DEAF1: variants seen among roughly 807,000 people sequenced by gnomAD.
DEAF1 encodes deformed epidermal autoregulatory factor 1 homolog.
DEAF1 carries 53 observed loss-of-function variants against 58.9 expected under a neutral mutation model. The observed-to-expected ratio is 0.90, with a 90% confidence interval of 0.72 to 1.13. DEAF1 has a LOEUF of 1.13. Among genes scored for constraint, DEAF1 ranks in the 50% most tolerant of loss-of-function variants. The probability of loss-of-function intolerance (pLI) is 0.00; values close to 1 mark genes in which losing one functional copy is unlikely to be tolerated. For missense variants in DEAF1, 685 were observed against 791.4 expected (o/e 0.87, Z 1.61); for synonymous variants, 385 against 340.4 (o/e 1.13, Z -1.44).
upstream of DEAF1, chr11:698,872 G>A (rs375077087): frequency 2.5e-6 from 4 of 1,614,060 alleles, no homozygotes; most frequent in African/African-American, 4.0e-5. Flanking sequence ...CTTTCAGGGA[G>A]AGGATCCTCC....
intron 4 of DEAF1, among the ~76,000 whole-genome samples, chr11:687,223 G>A (rs955653489): frequency 6.6e-6 from 1 of 152,218 alleles, no homozygotes; most frequent in Non-Finnish European, 1.5e-5. Flanking sequence ...TCCACAGGCA[G>A]TGCAAGCTCA....
At chr11:674,284 GCA>G (rs1859960303) in intron 10 of DEAF1, 1 of 520,622 alleles carries the variant, frequency 1.9e-6, no homozygotes. Flanking sequence ...CGGCCGATGC[GCA>G]CAAAATTGTT....
intron 9 of DEAF1, among the ~76,000 whole-genome samples, chr11:678,107 G>C (rs1379175027): frequency 6.6e-6 from 1 of 152,098 alleles, no homozygotes; most frequent in Non-Finnish European, 1.5e-5. Flanking sequence ...CAGCTACCTG[G>C]GAGGCTGAGG....
rs756731135 is a variant in DEAF1 at position 688,351 on chromosome 11, G to A, written c.497C>T (p.Pro166Leu). Residue 166 changes from proline to leucine, a missense_variant, in exon 3 of 12, where the codon CCG (proline) becomes CTG (leucine). Physicochemically the swap from Pro to Leu is moderately conservative, Grantham distance 98. This residue lies in a region of DEAF1 where 132 missense variants were observed against 234.3 expected (regional missense o/e 0.56). Transcript: ENST00000382409. This position sits in a 1 kb window ranked among gnomAD's most constrained non-coding sequence, Gnocchi z 4.3. ...SIVETTGLKGPAAPLTPGPQS... is the reference protein window; with the variant it reads ...SIVETTGLKGLAAPLTPGPQS... ...TGTACCTGGGGTGAGGGGAGCTGCC[G>A]GGCCTTTCAGCCCGGTGGTCTCCAC... 8.7e-6 allele frequency: 14 copies of A among 1,613,704 alleles called. No homozygotes were observed. Among genetic ancestry groups the A allele is most frequent in the Admixed American group, 1.7e-5 (1 of 60,022 alleles).
chr11:686,075 G>A (rs2133398866), intron 5 of DEAF1, among the ~76,000 whole-genome samples: 1 of 150,988 alleles, frequency 6.6e-6, no homozygotes, highest in East Asian at 2.0e-4. Context: ...CTGAGGTCAG[G>A]ACTTCAAGAC....
At chr11:686,291 CAAAA>C (rs780059988) in intron 5 of DEAF1, among the ~76,000 whole-genome samples, 3 of 100,210 alleles carry the variant, frequency 3.0e-5, no homozygotes, top group African/African-American at 8.9e-5. Context: ...GACTCTGTCT[CAAAA>C]AAAAAAAAAA....
chr11:663,649 C>T (rs903603998), intron 10 of DEAF1, among the ~76,000 whole-genome samples: 1 of 151,232 alleles, frequency 6.6e-6, no homozygotes, highest in African/African-American at 2.4e-5. Flanking sequence ...ACTGATAAAT[C>T]AGGCTTTTGG....
At chr11:648,196 CT>C (rs540249896) in intron 11 of DEAF1, among the ~76,000 whole-genome samples, 92 of 123,362 alleles carry the variant, frequency 7.5e-4, no homozygotes, top group East Asian at 1.2e-3. Flanking sequence ...TTATCACTGC[CT>C]TTTTTTTTTT....
chr11:668,748 G>A (rs946139162), intron 10 of DEAF1, among the ~76,000 whole-genome samples: 1 of 152,188 alleles, frequency 6.6e-6, no homozygotes, highest in Admixed American at 6.6e-5. Context: ...CTTGAGCCTG[G>A]GAACTTGAGG....
intron 10 of DEAF1, among the ~76,000 whole-genome samples, chr11:672,303 G>A (rs956231481): frequency 3.3e-5 from 5 of 151,774 alleles, no homozygotes; most frequent in Admixed American, 3.3e-4. Context: ...CCCTAACATC[G>A]AATACGACCT....
chr11:665,680 A>G (rs1859494000), intron 10 of DEAF1, among the ~76,000 whole-genome samples: 1 of 152,170 alleles, frequency 6.6e-6, no homozygotes, highest in Admixed American at 6.6e-5. Context: ...AGCATCAGAC[A>G]CTCTGGCTGC....
chr11:702,250 T>TA (rs1281783707), intron 1 of DEAF1, among the ~76,000 whole-genome samples: 3 of 152,190 alleles, frequency 2.0e-5, no homozygotes, highest in Non-Finnish European at 2.9e-5. Flanking sequence ...TGTCTGCACT[T>TA]ACGTCCCAGA....
chr11:703,343 T>A (rs956770942), intron 1 of DEAF1: 1 of 1,399,044 alleles, frequency 7.1e-7, no homozygotes, highest in Non-Finnish European at 9.3e-7. Context: ...CTGGAGGCCC[T>A]GGTGTTGGGA....
At chr11:697,738 G>C (rs1359049582), upstream of DEAF1, 1 of 152,240 alleles carries the variant, frequency 6.6e-6, no homozygotes, top group African/African-American at 2.4e-5. Flanking sequence ...AGAACAGATC[G>C]GGTTTAAAGA....
intron 11 of DEAF1, among the ~76,000 whole-genome samples, chr11:650,919 C>T (rs1464940628): frequency 6.6e-6 from 1 of 152,080 alleles, no homozygotes; most frequent in East Asian, 1.9e-4. Flanking sequence ...AAGATGCAAA[C>T]ATTCACCATA....
chr11:647,417 T>A (rs866794674), intron 11 of DEAF1, among the ~76,000 whole-genome samples: 44 of 152,162 alleles, frequency 2.9e-4, no homozygotes, highest in African/African-American at 9.9e-4. Context: ...ATCGCGCCGC[T>A]GCACTCCAGC....
chr11:659,882 C>T (rs918459643), intron 10 of DEAF1, among the ~76,000 whole-genome samples: 2 of 152,164 alleles, frequency 1.3e-5, no homozygotes, highest in Non-Finnish European at 2.9e-5. Context: ...ACCCTGAAGC[C>T]GTGAACCGGA....
intron 11 of DEAF1, among the ~76,000 whole-genome samples, chr11:646,167 C>G (rs2133266238): frequency 6.7e-6 from 1 of 148,764 alleles, no homozygotes; most frequent in Middle Eastern, 3.4e-3. Flanking sequence ...GCACAAGAAT[C>G]ACTTGAACCT....
intron 1 of DEAF1, among the ~76,000 whole-genome samples, chr11:701,613 G>GCA (rs1564963003): frequency 5.5e-4 from 83 of 152,020 alleles, no homozygotes; most frequent in African/African-American, 2.0e-3. Context: ...GTTTCACCAT[G>GCA]TTAGCCAGGA....
Sources: gnomAD v4.1 joint callset for allele counts (sites outside exome capture counted in the v4.1 genomes callset) on GRCh38, gnomAD v4.1.1 for gene constraint, gnomAD v4.1.1 regional missense constraint, Gnocchi (gnomAD v3.1) non-coding constraint, MANE v1.5 for transcripts, NCBI Gene and HGNC (gene_info 2026-07-23, HGNC 2026-07-21) for gene names.